The following NCAM1 variants were observed in gnomAD, a reference collection of about 807,000 sequenced individuals.
NCAM1 encodes neural cell adhesion molecule 1, also known as antigen recognized by monoclonal antibody 5.1H11.
A neutral mutation model predicts 109.8 loss-of-function variants in NCAM1; 14 were observed. That is an observed-to-expected ratio of 0.13 (90% confidence interval 0.08 to 0.20). NCAM1 has a LOEUF of 0.20. NCAM1 is among the 10% of genes least tolerant of loss of function. The pLI is 1.00. For missense variants in NCAM1, 774 were observed against 1,109.9 expected, an observed-to-expected ratio of 0.70 and a Z score of 4.30; for synonymous variants, 418 against 442.9, an observed-to-expected ratio of 0.94 and a Z score of 0.70.
intron 1 of NCAM1, among the ~76,000 whole-genome samples, chr11:113,004,217 G>A (rs1951831741): frequency 6.6e-6 from 1 of 152,076 alleles, no homozygotes; most frequent in African/African-American, 2.4e-5. Flanking sequence ...TCTTGTGGCC[G>A]GGCGCGGTGG....
chr11:113,088,448 A>C (rs1555088659), intron 1 of NCAM1, among the ~76,000 whole-genome samples: 1 of 152,220 alleles, frequency 6.6e-6, no homozygotes, highest in Non-Finnish European at 1.5e-5. Flanking sequence ...GTAGAAGCTG[A>C]AACCACATGG....
intron 1 of NCAM1, among the ~76,000 whole-genome samples, chr11:113,022,724 A>G (rs145208081): frequency 1.5e-3 from 228 of 152,292 alleles, no homozygotes; most frequent in African/African-American, 4.9e-3. Flanking sequence ...GTACGTAGGT[A>G]GGTAGGTAGG....
intron 1 of NCAM1, among the ~76,000 whole-genome samples, chr11:113,042,318 T>A (rs186776550): frequency 2.6e-5 from 4 of 152,280 alleles, no homozygotes; most frequent in Admixed American, 2.6e-4. Context: ...ACTAGCCATG[T>A]CCTCCCAGAC....
intron 1 of NCAM1, among the ~76,000 whole-genome samples, chr11:113,115,599 C>A (rs1366411805): frequency 6.6e-6 from 1 of 152,094 alleles, no homozygotes; most frequent in Non-Finnish European, 1.5e-5. Flanking sequence ...ATTAGCCAAC[C>A]AACAAAATGA....
chr11:113,213,245 T>C (rs1944437414), intron 7 of NCAM1, among the ~76,000 whole-genome samples: 2 of 152,228 alleles, frequency 1.3e-5, no homozygotes. Context: ...GGTTCATTTG[T>C]TTGTTTCCCT....
chr11:113,240,653 G>A (rs1449793694), intron 14 of NCAM1: 3 of 821,714 alleles, frequency 3.7e-6, no homozygotes, highest in Admixed American at 3.6e-5. Context: ...CACACACGGT[G>A]TTGTTCTTCC....
At chr11:113,214,544 G>T (rs367870034) in intron 8 of NCAM1, 33 bp downstream of exon 8, 520 of 1,573,390 alleles carry the variant, frequency 3.3e-4, no homozygotes, top group Non-Finnish European at 4.3e-4. Flanking sequence ...CAGGGCCTTG[G>T]AATGCAGACT....
At chr11:113,264,349 C>T (rs943255812) in intron 17 of NCAM1, 6 of 985,284 alleles carry the variant, frequency 6.1e-6, no homozygotes, top group South Asian at 4.7e-5. Flanking sequence ...TGTTGGCGCT[C>T]GCCATTAATC....
At chr11:113,179,792 A>G (rs1204004289) in intron 1 of NCAM1, among the ~76,000 whole-genome samples, 2 of 152,230 alleles carry the variant, frequency 1.3e-5, no homozygotes, top group Non-Finnish European at 2.9e-5. Flanking sequence ...ATGAAATACC[A>G]AGATTTCTTT....
At chr11:112,973,302 G>C (rs1319879960) in intron 1 of NCAM1, among the ~76,000 whole-genome samples, 1 of 152,080 alleles carries the variant, frequency 6.6e-6, no homozygotes, top group South Asian at 2.1e-4. Context: ...CCAGTCACCA[G>C]TTAAGCTGCA....
In NCAM1 at chr11:113,257,668, C is replaced by T. The variant is rs556218669; in HGVS notation, c.1953+1667C>T. The stretch of plus-strand genomic sequence containing the variant: ...CTGAAATATGTTAGATTTCAACAAC[C>T]GTAACCACCCTCTCTCACTTCAAAA... On this transcript the variant is annotated intron_variant, in intron 16 of 19. Coordinates refer to ENST00000316851, the MANE Select transcript of NCAM1 (RefSeq NM_181351.5). 6.6e-5 allele frequency among the ~76,000 whole-genome samples: 10 copies of T among 152,274 alleles called. No homozygotes were observed. The East Asian group carries it at 7.7e-4, about 12-fold the overall frequency.
chr11:113,032,321 C>T (rs1363067952), intron 1 of NCAM1, among the ~76,000 whole-genome samples: 2 of 152,090 alleles, frequency 1.3e-5, no homozygotes, highest in Non-Finnish European at 2.9e-5. Flanking sequence ...TGAAACACTC[C>T]CTTCCACCCA....
intron 1 of NCAM1, among the ~76,000 whole-genome samples, chr11:113,020,614 CAT>C (rs1336092904): frequency 3.3e-5 from 5 of 152,174 alleles, no homozygotes; most frequent in African/African-American, 1.2e-4. Flanking sequence ...CAGAGCACAA[CAT>C]AGTTTGCTTC....
chr11:112,997,352 C>T (rs528514042), intron 1 of NCAM1, among the ~76,000 whole-genome samples: 85 of 152,040 alleles, frequency 5.6e-4, no homozygotes, highest in African/African-American at 1.9e-3. Flanking sequence ...ATTAATTCAC[C>T]GCAAGAATAG....
chr11:113,038,903 G>T (rs186686454), intron 1 of NCAM1, among the ~76,000 whole-genome samples: 266 of 152,276 alleles, frequency 1.7e-3, no homozygotes, highest in African/African-American at 6.0e-3. Context: ...ACGAGTGTTG[G>T]TGTTCCAGGA....
intron 1 of NCAM1, among the ~76,000 whole-genome samples, chr11:113,016,532 A>T (rs912405240): frequency 6.6e-6 from 1 of 152,222 alleles, no homozygotes; most frequent in Non-Finnish European, 1.5e-5. Flanking sequence ...AATACTTGTC[A>T]TGCGGTGCAG....
intron 17 of NCAM1, chr11:113,264,284 T>C (rs1006826): frequency 0.24 from 232,651 of 985,170 alleles, 29,179 homozygotes; most frequent in South Asian, 0.37. Context: ...GACTAGCCTT[T>C]CCCTTTGGGA....
At chr11:113,109,279 C>T (rs1380361125) in intron 1 of NCAM1, among the ~76,000 whole-genome samples, 3 of 145,606 alleles carry the variant, frequency 2.1e-5, no homozygotes, top group South Asian at 2.2e-4. Context: ...ACCCGGGAGG[C>T]GGAGGTTGCA....
In NCAM1 at chr11:113,275,528, CTT is replaced by C. The variant is rs782476131; in HGVS notation, c.*144_*145del. 128 of 1,097,446 alleles carry C rather than the reference CTT, an allele frequency of 1.2e-4. No individual in the cohort carries two copies. The highest frequency in any genetic ancestry group is 1.6e-4 in the East Asian group (6 of 36,774). 68.0% of individuals were successfully genotyped at this position (1,097,446 alleles called of 1,614,324 possible). A position where few individuals can be genotyped will look rare whatever the true frequency, so the allele number is the denominator to read the frequency against. ...CACACACATCTCATTTCTCTAGTGT[CTT>C]TTGCCTTTAAAAAAAACTAAACAGA... On this transcript the variant is annotated 3_prime_UTR_variant, in exon 20 of 20. Coordinates refer to ENST00000316851, the MANE Select transcript of NCAM1 (RefSeq NM_181351.5).
Sources: allele counts gnomAD v4.1 joint callset (sites outside exome capture counted in the v4.1 genomes callset), GRCh38; gene constraint gnomAD v4.1.1; transcripts MANE v1.5; gene names NCBI Gene and HGNC (gene_info 2026-07-23, HGNC 2026-07-21).